The following IGFL2 variants were observed in gnomAD, a reference collection of about 807,000 sequenced individuals.
IGFL2 encodes IGF like family member 2.
IGFL2 carries 7 observed loss-of-function variants against 13.9 expected under a neutral mutation model. That is an observed-to-expected ratio of 0.51 (90% CI 0.29 to 0.95). The LOEUF is 0.95. Among genes scored for constraint, IGFL2 ranks in the 40% least tolerant of loss-of-function variants. The pLI is 0.08. For missense variants in IGFL2, 138 were observed against 147.8 expected, an observed-to-expected ratio of 0.93 and a Z score of 0.34; for synonymous variants, 55 against 55.8, an observed-to-expected ratio of 0.99 and a Z score of 0.07.
intron 1 of IGFL2, among the ~76,000 whole-genome samples, chr19:46,156,282 G>C (rs1973819685): frequency 6.6e-6 from 1 of 152,126 alleles, no homozygotes; most frequent in Non-Finnish European, 1.5e-5. Context: ...CATTTACTTA[G>C]GTGTTCTTTA....
chr19:46,137,181 T>C, the IGFL2 span: 1 of 1,597,368 alleles, frequency 6.3e-7, no homozygotes, highest in East Asian at 2.2e-5. Context: ...TTGATGCCCA[T>C]CACAAACTTC....
At position 46,148,315 on chromosome 19, in the gene IGFL2, C is replaced by T; in HGVS notation, c.19+18C>T. The T allele has an allele frequency of 1.9e-6, 3 of 1,548,294 alleles. No homozygotes were observed. Among genetic ancestry groups the T allele is most frequent in the Non-Finnish European group, 2.6e-6 (3 of 1,143,912 alleles). Reference sequence around the variant, plus strand: ...AATCTTCGGTAAGGTAACCCTTGCCCCAGGTTGAGCTAATGCCTACTGTTA... The same window carrying T: ...AATCTTCGGTAAGGTAACCCTTGCCTCAGGTTGAGCTAATGCCTACTGTTA... On this transcript the variant is annotated intron_variant, in intron 1 of 3. Transcript: ENST00000377693.
chr19:46,159,570 A>G (rs750238762), intron 1 of IGFL2: 3 of 152,180 alleles, frequency 2.0e-5, no homozygotes, highest in Non-Finnish European at 2.9e-5. Context: ...CTGCCTGTAC[A>G]TGCTTTCAAA....
At chr19:46,102,044 G>A in the IGFL2 span, among the ~76,000 whole-genome samples, 2 of 152,218 alleles carry the variant, frequency 1.3e-5, no homozygotes, top group African/African-American at 4.8e-5. Flanking sequence ...GGCTGGAGCT[G>A]GAAGGAATGT....
At chr19:46,116,208 C>T in the IGFL2 span, among the ~76,000 whole-genome samples, 6 of 152,060 alleles carry the variant, frequency 3.9e-5, no homozygotes, top group South Asian at 2.1e-4. Context: ...TTAGGTATAT[C>T]TCCTCATTTC....
chr19:46,175,498 G>C, the IGFL2 span, among the ~76,000 whole-genome samples: 1 of 151,988 alleles, frequency 6.6e-6, no homozygotes, highest in East Asian at 1.9e-4. Context: ...AAATGAGTAA[G>C]GTAATACTTT....
chr19:46,132,478 A>G, the IGFL2 span, among the ~76,000 whole-genome samples: 8 of 152,226 alleles, frequency 5.3e-5, no homozygotes, highest in Non-Finnish European at 7.3e-5. Context: ...GCCAGCACCC[A>G]AAGTTGATAG....
At chr19:46,148,889 A>G (rs1353575279) in intron 1 of IGFL2, 3 of 1,544,150 alleles carry the variant, frequency 1.9e-6, no homozygotes, top group Non-Finnish European at 2.6e-6. Flanking sequence ...ATCTGTTGGG[A>G]CTGTGATGAG....
At chr19:46,087,084 A>T in the IGFL2 span, among the ~76,000 whole-genome samples, 1 of 152,196 alleles carries the variant, frequency 6.6e-6, no homozygotes. Context: ...TAGCAGGTCC[A>T]GGCAGGCCAA....
chr19:46,161,314 C>CTTT, downstream of IGFL2: 1 of 362,706 alleles, frequency 2.8e-6, no homozygotes, highest in Non-Finnish European at 4.9e-6. Flanking sequence ...ATGTCGTCTC[C>CTTT]TTTCTTTTTT....
At chr19:46,134,682 A>G in the IGFL2 span, among the ~76,000 whole-genome samples, 2 of 152,192 alleles carry the variant, frequency 1.3e-5, no homozygotes, top group Non-Finnish European at 2.9e-5. Flanking sequence ...ATGAGAATCT[A>G]ATGCTCCTAC....
the IGFL2 span, among the ~76,000 whole-genome samples, chr19:46,199,711 C>G: frequency 1.3e-5 from 2 of 152,198 alleles, no homozygotes; most frequent in Non-Finnish European, 2.9e-5. Flanking sequence ...CTGCTTTCTC[C>G]CACCAGCGTC....
the IGFL2 span, among the ~76,000 whole-genome samples, chr19:46,086,995 G>T: frequency 3.9e-5 from 6 of 152,322 alleles, no homozygotes; most frequent in East Asian, 1.2e-3. Flanking sequence ...AGGTAGGCCA[G>T]GTTTTGGGCC....
intron 1 of IGFL2, among the ~76,000 whole-genome samples, chr19:46,150,880 C>T (rs539689235): frequency 2.7e-4 from 41 of 152,236 alleles, no homozygotes; most frequent in East Asian, 1.2e-3. Context: ...TTGCCCAGGC[C>T]GGTCTCCAAC....
chr19:46,127,380 AAG>A, the IGFL2 span, among the ~76,000 whole-genome samples: 1 of 152,122 alleles, frequency 6.6e-6, no homozygotes, highest in African/African-American at 2.4e-5. Context: ...GAAGGAGAGA[AAG>A]AGAATAAGAA....
At chr19:46,161,564 T>C (rs773040337), downstream of IGFL2, among the ~76,000 whole-genome samples, 1 of 152,214 alleles carries the variant, frequency 6.6e-6, no homozygotes, top group Non-Finnish European at 1.5e-5. Context: ...AATTGAACCC[T>C]TTACCATTAT....
the IGFL2 span, among the ~76,000 whole-genome samples, chr19:46,201,657 G>A: frequency 6.6e-6 from 1 of 152,140 alleles, no homozygotes; most frequent in Admixed American, 6.5e-5. Flanking sequence ...GGATGATTAG[G>A]TTTTAATGGG....
rs1001503612 is a variant in IGFL2 at position 46,160,530 on chromosome 19, G to A, written c.73+62G>A. On this transcript the variant is annotated intron_variant, in intron 2 of 3. Coordinates refer to ENST00000377693, the MANE Select transcript of IGFL2 (RefSeq NM_001135113.2). ...GGCTGACTTTGGAAAGTGGGCATGG[G>A]GGTTCACAGAGGGCTCCTGATTGGG... The A allele has an allele frequency of 1.1e-5, 17 of 1,612,214 alleles. No homozygotes were observed. In the Admixed American group the frequency reaches 2.5e-4, roughly 24 times the overall value.
the IGFL2 span, among the ~76,000 whole-genome samples, chr19:46,188,197 C>G: frequency 4.6e-5 from 7 of 152,148 alleles, no homozygotes; most frequent in African/African-American, 7.2e-5. Context: ...CCTATCTTTA[C>G]CTGTTCCAGA....
Sources: allele counts gnomAD v4.1 joint callset (sites outside exome capture counted in the v4.1 genomes callset), GRCh38; gene constraint gnomAD v4.1.1; transcripts MANE v1.5; gene names NCBI Gene and HGNC (gene_info 2026-07-23, HGNC 2026-07-21).